Variants in CNOT2 observed in about 807,000 individuals in gnomAD.
CNOT2 encodes the protein CC chemokine receptor 4-negative regulator of transcription 2.
In CNOT2, 7 loss-of-function variants were observed where a neutral mutation model predicts 72.1. The ratio of observed to expected loss-of-function variants is 0.10; its 90% CI spans 0.06 to 0.18. The LOEUF (loss-of-function observed/expected upper bound fraction) is 0.18. Ranked by LOEUF, CNOT2 falls within the 10% of genes least tolerant of loss-of-function variation. The probability of loss-of-function intolerance (pLI) is 1.00; values close to 1 mark genes in which losing one functional copy is unlikely to be tolerated. For synonymous variants in CNOT2, 196 were observed against 225.6 expected, an observed-to-expected ratio of 0.87 and a Z score of 1.17; for missense variants, 345 against 660.3, an observed-to-expected ratio of 0.52 and a Z score of 5.23.
At chr12:70,319,475 G>A in intron 4 of CNOT2, 111 bp downstream of exon 4, 3 of 1,002,270 alleles carry the variant, frequency 3.0e-6, no homozygotes, top group Admixed American at 4.3e-5. Context: ...TGACTTAAAA[G>A]GAAAAATGTT....
chr12:70,337,885 T>A, intron 9 of CNOT2: 1 of 378,626 alleles, frequency 2.6e-6, no homozygotes. Flanking sequence ...CCAACTCAGC[T>A]TCTTCTTTCT....
chr12:70,265,288 CTCTTCTCTT>C (rs1565743311), intron 1 of CNOT2, among the ~76,000 whole-genome samples: 11 of 140,022 alleles, frequency 7.9e-5, no homozygotes, highest in African/African-American at 2.6e-4. Context: ...CTCTTCTCTT[CTCTTCTCTT>C]CTCTTCTCTT....
At chr12:70,294,310 G>C in intron 2 of CNOT2, 1 of 1,288,620 alleles carries the variant, frequency 7.8e-7, no homozygotes, top group South Asian at 1.2e-5. Context: ...TATGTGGTGG[G>C]GAAAGCCGGG....
chr12:70,287,662 T>C (rs112726280), intron 2 of CNOT2, among the ~76,000 whole-genome samples: 31 of 150,290 alleles, frequency 2.1e-4, no homozygotes, highest in African/African-American at 7.5e-4. Flanking sequence ...TAATCATTTA[T>C]CCCTTTGTTT....
At chr12:70,254,094 C>T (rs1481107035) in intron 1 of CNOT2, among the ~76,000 whole-genome samples, 4 of 151,836 alleles carry the variant, frequency 2.6e-5, no homozygotes, top group South Asian at 2.1e-4. Flanking sequence ...AAAAATTAGC[C>T]GGGAGTGGTG....
chr12:70,299,750 G>C (rs1200419325), intron 2 of CNOT2, among the ~76,000 whole-genome samples: 1 of 152,096 alleles, frequency 6.6e-6, no homozygotes, highest in Non-Finnish European at 1.5e-5. Flanking sequence ...GTAATGGGAT[G>C]GCTGGGTCAA....
intron 2 of CNOT2, among the ~76,000 whole-genome samples, chr12:70,278,782 A>C (rs1416610829): frequency 6.6e-6 from 1 of 152,144 alleles, no homozygotes; most frequent in Non-Finnish European, 1.5e-5. Flanking sequence ...TAAATGCTAG[A>C]TTCTTGTTTT....
At chr12:70,279,679 T>G (rs1869473847) in intron 2 of CNOT2, among the ~76,000 whole-genome samples, 2 of 152,244 alleles carry the variant, frequency 1.3e-5, no homozygotes, top group South Asian at 4.1e-4. Flanking sequence ...TTCTGAATTA[T>G]ATGGCTTTTC....
intron 1 of CNOT2, among the ~76,000 whole-genome samples, chr12:70,266,419 G>A (rs914929355): frequency 2.6e-5 from 4 of 152,094 alleles, no homozygotes; most frequent in African/African-American, 7.2e-5. Flanking sequence ...CACAGCACCC[G>A]GCCGTTGAAA....
intron 5 of CNOT2, 60 bp from the exon 6 acceptor site, chr12:70,330,223 TTTAA>T: frequency 1.3e-6 from 1 of 748,152 alleles, no homozygotes; most frequent in Admixed American, 2.6e-5. Flanking sequence ...CAATTGATTA[TTTAA>T]AGAGAATTTT....
At chr12:70,277,997 G>A (rs555654027) in intron 1 of CNOT2, 135 bp from the exon 2 acceptor site, 121 of 404,926 alleles carry the variant, frequency 3.0e-4, no homozygotes, top group African/African-American at 2.3e-3. Flanking sequence ...CGCGAAAATG[G>A]TTACGAGGAA....
At position 70,351,250 on chromosome 12, in the gene CNOT2, T is replaced by A. The variant is rs1312938126; in HGVS notation, c.1537-2579T>A. On this transcript the variant is annotated intron_variant, in intron 15 of 15. Transcript: ENST00000229195. ...TTATTCATCATATATTAATTACACA[T>A]CCATTAGGGGCTTGGCACTATTCCA... Among the ~76,000 whole-genome samples, 6 of 152,110 alleles carry A rather than the reference T, an allele frequency of 3.9e-5. No individual in the cohort carries two copies. In the East Asian group the frequency reaches 1.2e-3, roughly 29 times the overall value.
intron 4 of CNOT2, chr12:70,321,946 A>T (rs1442525015): frequency 1.3e-5 from 2 of 151,768 alleles, no homozygotes; most frequent in Non-Finnish European, 2.9e-5. Context: ...GTATGATTGT[A>T]TCCAAATATG....
At chr12:70,250,043 C>T (rs762865969) in intron 1 of CNOT2, among the ~76,000 whole-genome samples, 4 of 152,050 alleles carry the variant, frequency 2.6e-5, no homozygotes, top group Non-Finnish European at 4.4e-5. Context: ...TACAGCAAAC[C>T]GGTTAACCTG....
At chr12:70,348,274 A>T (rs73324146) in intron 15 of CNOT2, among the ~76,000 whole-genome samples, 1 of 152,148 alleles carries the variant, frequency 6.6e-6, no homozygotes, top group Non-Finnish European at 1.5e-5. Context: ...TTGGTTCTCA[A>T]ACTATAGCTT....
At chr12:70,316,084 G>A (rs1441050019) in intron 3 of CNOT2, among the ~76,000 whole-genome samples, 1 of 152,030 alleles carries the variant, frequency 6.6e-6, no homozygotes, top group Non-Finnish European at 1.5e-5. Flanking sequence ...TGTGAGGTAG[G>A]TAGTTATTTT....
chr12:70,325,241 G>C (rs1257391121), intron 4 of CNOT2, among the ~76,000 whole-genome samples: 1 of 151,784 alleles, frequency 6.6e-6, no homozygotes, highest in Non-Finnish European at 1.5e-5. Context: ...GCTTGTTAAG[G>C]TTAGAAAACA....
intron 3 of CNOT2, 41 bp from the exon 4 acceptor site, chr12:70,319,257 T>C: frequency 2.6e-6 from 4 of 1,558,736 alleles, no homozygotes; most frequent in Non-Finnish European, 3.5e-6. Context: ...AATGCTCTGC[T>C]CTGTTTTCTT....
intron 2 of CNOT2, among the ~76,000 whole-genome samples, chr12:70,308,736 A>G (rs1008056244): frequency 6.6e-6 from 1 of 152,126 alleles, no homozygotes; most frequent in East Asian, 1.9e-4. Flanking sequence ...AAAAATTTTA[A>G]TTCTATACAA....
Sources: gnomAD v4.1 joint callset for allele counts (sites outside exome capture counted in the v4.1 genomes callset) on GRCh38, gnomAD v4.1.1 for gene constraint, MANE v1.5 for transcripts, NCBI Gene and HGNC (gene_info 2026-07-23, HGNC 2026-07-21) for gene names.